The following KCNQ3 variants were observed in gnomAD, a reference collection of about 807,000 sequenced individuals.
KCNQ3 encodes the protein potassium voltage-gated channel subfamily Q member 3.
KCNQ3 carries 30 observed loss-of-function variants against 92.5 expected under a neutral mutation model. The ratio of observed to expected loss-of-function variants is 0.32; its 90% CI spans 0.24 to 0.44. The LOEUF (loss-of-function observed/expected upper bound fraction) is 0.44. KCNQ3 is among the 20% of genes least tolerant of loss of function. KCNQ3 has a pLI of 1.00. For synonymous variants in KCNQ3, 450 were observed against 468.8 expected, an observed-to-expected ratio of 0.96 and a Z score of 0.52; for missense variants, 913 against 1,140.3, an observed-to-expected ratio of 0.80 and a Z score of 2.87.
chr8:132,456,592 AT>A (rs550321098), intron 1 of KCNQ3, among the ~76,000 whole-genome samples: 1,919 of 148,906 alleles, frequency 0.013, 18 homozygotes, highest in Non-Finnish European at 0.016. Context: ...TTAGCTTTCT[AT>A]TTTTTTTTTA....
intron 1 of KCNQ3, among the ~76,000 whole-genome samples, chr8:132,267,625 A>T (rs939678120): frequency 1.3e-5 from 2 of 152,164 alleles, no homozygotes; most frequent in African/African-American, 4.8e-5. Flanking sequence ...TAAAACTCTT[A>T]CTACAGTCTG....
At chr8:132,169,230 A>T (rs1586794130) in intron 8 of KCNQ3, among the ~76,000 whole-genome samples, 2 of 152,218 alleles carry the variant, frequency 1.3e-5, no homozygotes, top group African/African-American at 2.4e-5. Context: ...TTCAGGATGC[A>T]TTTACCATCA....
Position 132,175,465 on chromosome 8 carries a change from C to T in KCNQ3, c.921G>A (p.Leu307=), listed in dbSNP as rs961895208. 3 of 1,614,208 alleles carry T rather than the reference C, an allele frequency of 1.9e-6. No individual in the cohort carries two copies. The highest frequency in any genetic ancestry group is 2.2e-5 in the South Asian group (2 of 91,084). ...GGTAGTGACTCACCAGGCCCCACCA[C>T]AGGGCATCTGCATAGGTCTCAAACT... is the stretch of plus-strand genomic sequence containing the variant. ...KEEFETYADA[L]WWGLITLATI... The change falls in exon 5 of 15, where the codon CTG becomes CTA. Residue 307 remains leucine, a synonymous_variant. Transcript: ENST00000388996.
chr8:132,423,888 C>T (rs571534052), intron 1 of KCNQ3, among the ~76,000 whole-genome samples: 8 of 152,138 alleles, frequency 5.3e-5, no homozygotes, highest in African/African-American at 1.2e-4. Flanking sequence ...CTGAGTAAAG[C>T]GTATTGTACT....
intron 1 of KCNQ3, among the ~76,000 whole-genome samples, chr8:132,294,558 A>T (rs1451430366): frequency 6.6e-6 from 1 of 152,094 alleles, no homozygotes; most frequent in Non-Finnish European, 1.5e-5. Flanking sequence ...AGATTTTGAG[A>T]TTTACTTTCT....
In KCNQ3 at chr8:132,211,561, T is replaced by G. The variant is rs531727633; in HGVS notation, c.387-25380A>C. On this transcript the variant is annotated intron_variant, in intron 1 of 14. Transcript: ENST00000388996. ...AACCTTTTGAGTCCTTTATAAGATC[T>G]GCCTGGTTCCCTCACTGACTGATGA... Among the ~76,000 whole-genome samples the G allele has an allele frequency of 3.9e-5, 6 of 152,350 alleles. No individual in the cohort carries two copies. The South Asian group carries it at 1.2e-3, about 32-fold the overall frequency.
chr8:132,209,520 T>A (rs1050743699), intron 1 of KCNQ3, among the ~76,000 whole-genome samples: 1 of 148,878 alleles, frequency 6.7e-6, no homozygotes, highest in Admixed American at 6.7e-5. Flanking sequence ...ATAATGTACG[T>A]AATTCACACC....
intron 1 of KCNQ3, among the ~76,000 whole-genome samples, chr8:132,468,926 C>G (rs1210988233): frequency 6.6e-6 from 1 of 152,146 alleles, no homozygotes; most frequent in Admixed American, 6.5e-5. Context: ...GAGCTGTAAC[C>G]CAATTTGTTC....
chr8:132,136,573 T>C (rs1452763838), intron 12 of KCNQ3, among the ~76,000 whole-genome samples: 1 of 152,214 alleles, frequency 6.6e-6, no homozygotes. Flanking sequence ...AGTGTGTGCA[T>C]GTCCTGTGTG....
At chr8:132,388,238 G>A (rs189133044) in intron 1 of KCNQ3, among the ~76,000 whole-genome samples, 5 of 152,226 alleles carry the variant, frequency 3.3e-5, no homozygotes, top group South Asian at 2.1e-4. Flanking sequence ...TTGTTTGCTC[G>A]TTAAATTTTA....
rs561029719 is a variant in KCNQ3 at position 132,463,030 on chromosome 8, A to G, written c.386+17117T>C. ...TTAGCATTCCGGGAAGACACAAAAC[A>G]TAACAACCTTTAGCTTTTATCAGAT... On this transcript the variant is annotated intron_variant, in intron 1 of 14. Coordinates refer to ENST00000388996, the MANE Select transcript of KCNQ3 (RefSeq NM_004519.4). Among the ~76,000 whole-genome samples, 12 of 152,312 alleles carry G rather than the reference A, an allele frequency of 7.9e-5. No individual in the cohort carries two copies. In the South Asian group the frequency reaches 1.2e-3, roughly 16 times the overall value.
chr8:132,234,441 T>C (rs2130383354), intron 1 of KCNQ3, among the ~76,000 whole-genome samples: 1 of 146,998 alleles, frequency 6.8e-6, no homozygotes, highest in East Asian at 2.1e-4. Flanking sequence ...AAAGCCTGCC[T>C]GCACAGAGTT....
At chr8:132,216,293 G>GC (rs1252475329) in intron 1 of KCNQ3, among the ~76,000 whole-genome samples, 1 of 152,198 alleles carries the variant, frequency 6.6e-6, no homozygotes, top group Non-Finnish European at 1.5e-5. Flanking sequence ...TGCTACATGC[G>GC]CAAGTGTTTT....
chr8:132,243,541 T>A (rs2130415149), intron 1 of KCNQ3, among the ~76,000 whole-genome samples: 1 of 152,360 alleles, frequency 6.6e-6, no homozygotes. Context: ...AATTAAAAGT[T>A]AATCCTTTTC....
At chr8:132,140,910 G>A in intron 10 of KCNQ3, 1 of 578,220 alleles carries the variant, frequency 1.7e-6, no homozygotes. Context: ...CTCCTAACTT[G>A]GGAGCCTGCA....
At chr8:132,290,885 G>A (rs1406158495) in intron 1 of KCNQ3, among the ~76,000 whole-genome samples, 1 of 152,162 alleles carries the variant, frequency 6.6e-6, no homozygotes, top group Non-Finnish European at 1.5e-5. Context: ...AGATTTCCTA[G>A]GCACCGTGTT....
At chr8:132,216,276 C>A (rs1168979371) in intron 1 of KCNQ3, among the ~76,000 whole-genome samples, 1 of 152,182 alleles carries the variant, frequency 6.6e-6, no homozygotes, top group Admixed American at 6.5e-5. Context: ...CAAACCTCAG[C>A]GAAATGTGCT....
chr8:132,267,995 G>A (rs1035309826), intron 1 of KCNQ3, among the ~76,000 whole-genome samples: 26 of 152,030 alleles, frequency 1.7e-4, no homozygotes, highest in Admixed American at 1.3e-4. Flanking sequence ...TGCATTCCAC[G>A]GGCTTTGGCA....
intron 1 of KCNQ3, among the ~76,000 whole-genome samples, chr8:132,448,918 C>T (rs187407265): frequency 1.3e-5 from 2 of 152,300 alleles, no homozygotes; most frequent in East Asian, 3.9e-4. Context: ...TCAGCCCTGG[C>T]CCCGAAGGCT....
Sources: allele counts gnomAD v4.1 joint callset (sites outside exome capture counted in the v4.1 genomes callset), GRCh38; gene constraint gnomAD v4.1.1; transcripts MANE v1.5; gene names NCBI Gene and HGNC (gene_info 2026-07-23, HGNC 2026-07-21).